The following GLIPR1L1 variants were observed in gnomAD, a reference collection of about 807,000 sequenced individuals.
GLIPR1L1 encodes GLIPR1 like 1, also known as GLIPR1-like protein 1.
In GLIPR1L1, 26 loss-of-function variants were observed where a neutral mutation model predicts 29.9. The ratio of observed to expected loss-of-function variants is 0.87; its 90% CI spans 0.64 to 1.21. The LOEUF (loss-of-function observed/expected upper bound fraction) is 1.21, where lower values mean the gene tolerates loss of function less well. Ranked by LOEUF, GLIPR1L1 falls within the 50% of genes most tolerant of loss-of-function variation. The pLI, the probability that GLIPR1L1 is intolerant of heterozygous loss-of-function variation, is 0.00. For synonymous variants in GLIPR1L1, 77 were observed against 97.5 expected (o/e 0.79, Z 1.24); for missense variants, 305 against 290.3 (o/e 1.05, Z -0.37).
At chr12:75,347,033 A>C (rs2139388776) in intron 2 of GLIPR1L1, among the ~76,000 whole-genome samples, 1 of 151,822 alleles carries the variant, frequency 6.6e-6, no homozygotes, top group East Asian at 1.9e-4. Flanking sequence ...TTTCCATAGA[A>C]GTCTTCTTCC....
At chr12:75,345,113 T>TA (rs1445568943) in intron 2 of GLIPR1L1, among the ~76,000 whole-genome samples, 4 of 152,050 alleles carry the variant, frequency 2.6e-5, no homozygotes, top group Non-Finnish European at 5.9e-5. Context: ...TCTCACCTCT[T>TA]CAGTACTATG....
At position 75,369,942 on chromosome 12, in the gene GLIPR1L1, C is replaced by T. The variant is rs1296420226; in HGVS notation, c.611-18C>T. On this transcript the variant is annotated intron_variant, in intron 4 of 5. Coordinates refer to ENST00000378695, the MANE Select transcript of GLIPR1L1 (RefSeq NM_001304964.2). ...GTTTTATAACATTTTATAATATTAA[C>T]TTTAATTTTTACTTTAGGGACTCCA... 32 of 1,204,774 alleles carry T rather than the reference C, an allele frequency of 2.7e-5. No individual in the cohort carries two copies. Among genetic ancestry groups the T allele is most frequent in the Non-Finnish European group, 3.4e-5 (30 of 883,828 alleles). The allele number at this position is 1,204,774 out of a possible 1,614,324, so 74.6% of individuals were successfully genotyped here.
intron 2 of GLIPR1L1, 126 bp from the exon 3 acceptor site, chr12:75,347,496 T>G (rs181927291): frequency 1.4e-4 from 63 of 439,518 alleles, no homozygotes; most frequent in African/African-American, 1.1e-3. Flanking sequence ...AGAAAAAATA[T>G]GTAACTAATA....
intron 3 of GLIPR1L1, among the ~76,000 whole-genome samples, chr12:75,359,131 C>T (rs1376777565): frequency 6.7e-6 from 1 of 149,790 alleles, no homozygotes; most frequent in African/African-American, 2.4e-5. Flanking sequence ...AATTAGTATA[C>T]AAAAATTAAT....
intron 2 of GLIPR1L1, among the ~76,000 whole-genome samples, chr12:75,347,120 A>G (rs2042505716): frequency 6.6e-6 from 1 of 151,844 alleles, no homozygotes; most frequent in African/African-American, 2.4e-5. Flanking sequence ...ATCTTTGAAA[A>G]TCAACTCAAT....
At chr12:75,347,791 C>A in intron 3 of GLIPR1L1, 69 bp downstream of exon 3, 1 of 911,280 alleles carries the variant, frequency 1.1e-6, no homozygotes. Flanking sequence ...AATAAGAGGA[C>A]CTTATACTAG....
At chr12:75,350,446 C>A (rs561606068) in intron 3 of GLIPR1L1, among the ~76,000 whole-genome samples, 4 of 152,150 alleles carry the variant, frequency 2.6e-5, no homozygotes, top group Admixed American at 6.5e-5. Context: ...AGCATTCTGG[C>A]GGGCATCAGG....
chr12:75,362,691 C>A (rs2043685539), intron 3 of GLIPR1L1, among the ~76,000 whole-genome samples: 1 of 152,110 alleles, frequency 6.6e-6, no homozygotes, highest in Admixed American at 6.6e-5. Context: ...AGTCGTACAT[C>A]ATCAAATAGA....
chr12:75,366,828 G>C lies in GLIPR1L1; in HGVS notation c.611-3132G>C, dbSNP rs1041422731. On this transcript the variant is annotated intron_variant, in intron 4 of 5. Transcript: ENST00000378695. ...CCTCTGAGAGGGCTAAAAATGCCAA[G>C]TGAACAGCTCTATATGCATTTCTTG... is the stretch of plus-strand genomic sequence containing the variant. 12 of 699,024 alleles carry C rather than the reference G, an allele frequency of 1.7e-5. No homozygotes were observed. In the African/African-American group the frequency reaches 1.8e-4, roughly 10 times the overall value. The allele number at this position is 699,024 out of a possible 1,614,324, so 43.3% of individuals were successfully genotyped here.
intron 3 of GLIPR1L1, among the ~76,000 whole-genome samples, chr12:75,351,425 G>T (rs558251006): frequency 7.9e-5 from 12 of 152,286 alleles, no homozygotes; most frequent in African/African-American, 2.6e-4. Context: ...AATGTTAAGG[G>T]CAGCCAGAGA....
At chr12:75,369,505 A>G (rs2044216317) in intron 4 of GLIPR1L1, 1 of 977,214 alleles carries the variant, frequency 1.0e-6, no homozygotes, top group Non-Finnish European at 1.2e-6. Context: ...GCTGGATGCT[A>G]TTAGAATGGT....
chr12:75,370,042 A>G, intron 5 of GLIPR1L1, 43 bp from the exon 6 acceptor site: 2 of 1,329,032 alleles, frequency 1.5e-6, no homozygotes, highest in Non-Finnish European at 2.1e-6. Flanking sequence ...TTGAAAATCA[A>G]TTGAACTCTT....
intron 2 of GLIPR1L1, among the ~76,000 whole-genome samples, chr12:75,346,669 C>T (rs1046038863): frequency 2.0e-5 from 3 of 152,132 alleles, no homozygotes; most frequent in African/African-American, 7.2e-5. Context: ...TTTAAGTTCT[C>T]AGTTCACTTT....
At chr12:75,353,349 A>T (rs1275240725) in intron 3 of GLIPR1L1, among the ~76,000 whole-genome samples, 1 of 152,240 alleles carries the variant, frequency 6.6e-6, no homozygotes, top group Non-Finnish European at 1.5e-5. Context: ...AACAACCATC[A>T]GAGAATACTA....
intron 2 of GLIPR1L1, among the ~76,000 whole-genome samples, chr12:75,346,316 T>C (rs1319785559): frequency 1.3e-5 from 2 of 152,244 alleles, no homozygotes; most frequent in Admixed American, 1.3e-4. Context: ...CCTTATCTCA[T>C]TTCATTAAGT....
At chr12:75,359,357 CTTTTTTTTTTTTTTTTT>C (rs61616225) in intron 3 of GLIPR1L1, among the ~76,000 whole-genome samples, 2 of 28,586 alleles carry the variant, frequency 7.0e-5, no homozygotes, top group Admixed American at 9.7e-4. Context: ...GCATTGTTGT[CTTTTTTTTTTTTTTTTT>C]TTTTTTTTTT....
intron 4 of GLIPR1L1, among the ~76,000 whole-genome samples, chr12:75,363,933 GT>G (rs1303233737): frequency 6.6e-6 from 1 of 152,196 alleles, no homozygotes; most frequent in African/African-American, 2.4e-5. Context: ...CAAGTCAAAA[GT>G]CAAAGGCAGA....
chr12:75,353,510 A>G (rs1375762793), intron 3 of GLIPR1L1, among the ~76,000 whole-genome samples: 1 of 152,230 alleles, frequency 6.6e-6, no homozygotes, highest in Non-Finnish European at 1.5e-5. Flanking sequence ...TGAACAGCCT[A>G]TCAACCAAAA....
At chr12:75,344,478 T>C (rs2042319483) in intron 2 of GLIPR1L1, among the ~76,000 whole-genome samples, 1 of 152,170 alleles carries the variant, frequency 6.6e-6, no homozygotes, top group South Asian at 2.1e-4. Flanking sequence ...TTTAATATTT[T>C]TACATCTTCA....
Sources: allele counts gnomAD v4.1 joint callset (sites outside exome capture counted in the v4.1 genomes callset), GRCh38; gene constraint gnomAD v4.1.1; transcripts MANE v1.5; gene names NCBI Gene and HGNC (gene_info 2026-07-23, HGNC 2026-07-21).